The following TPP2 variants were observed in gnomAD, a reference collection of about 807,000 sequenced individuals.
TPP2 encodes the protein tripeptidyl peptidase 2, also known as tripeptidyl-peptidase 2.
TPP2 carries 34 observed loss-of-function variants against 155.9 expected under a neutral mutation model. That is an observed-to-expected ratio of 0.22 (90% CI 0.17 to 0.29). The LOEUF (loss-of-function observed/expected upper bound fraction) is 0.29. Among genes scored for constraint, TPP2 ranks in the 10% least tolerant of loss-of-function variants. TPP2 has a pLI of 1.00. For synonymous variants in TPP2, 510 were observed against 529.4 expected, an observed-to-expected ratio of 0.96 and a Z score of 0.50; for missense variants, 1,028 against 1,522.3, an observed-to-expected ratio of 0.68 and a Z score of 5.40.
At chr13:102,616,603 C>T in intron 4 of TPP2, 103 bp downstream of exon 4, 3 of 960,306 alleles carry the variant, frequency 3.1e-6, no homozygotes, top group Non-Finnish European at 4.3e-6. Context: ...TCTTTTTTCA[C>T]AAATTTTCTT....
intron 17 of TPP2, among the ~76,000 whole-genome samples, chr13:102,643,684 T>C (rs557290190): frequency 6.6e-6 from 1 of 152,352 alleles, no homozygotes; most frequent in African/African-American, 2.4e-5. Flanking sequence ...ATAGATTAAT[T>C]TCTTTAAGAC....
Position 102,664,030 on chromosome 13 carries a change from G to A in TPP2, c.3240+286G>A, listed in dbSNP as rs529914783. ...TAACCTAAAGGGCAAGGGGCAGAAC[G>A]TAGTAATCCTGGCCAGATGGAAATC... On this transcript the variant is annotated intron_variant, in intron 26 of 29. Coordinates refer to ENST00000376052, the MANE Select transcript of TPP2 (RefSeq NM_001330588.2). 1.3e-4 allele frequency among the ~76,000 whole-genome samples: 20 copies of A among 152,344 alleles called. No homozygotes were observed. In the South Asian group the frequency reaches 2.3e-3, roughly 17 times the overall value.
chr13:102,669,425 C>T (rs748037279), intron 27 of TPP2, among the ~76,000 whole-genome samples: 4 of 152,076 alleles, frequency 2.6e-5, no homozygotes, highest in South Asian at 4.2e-4. Flanking sequence ...TTTTGTGGGC[C>T]GCTCCATAAA....
chr13:102,616,469 A>C lies in TPP2; in HGVS notation c.464A>C (p.Glu155Ala). ...GCAGAAGCCTGTAGAAAACAGGAAGAATTTGATGTTGCCAACAACGGCTCT... is the reference window on the plus strand; with the variant it reads ...GCAGAAGCCTGTAGAAAACAGGAAGCATTTGATGTTGCCAACAACGGCTCT... ...ALAEACRKQE[E>A]FDVANNGSSQ... Residue 155 changes from glutamate to alanine, a missense_variant, in exon 4 of 30, where the codon GAA becomes GCA. Around this residue, in one of 7 missense-constraint regions of TPP2, gnomAD observed 300 missense variants for 398.3 expected, o/e 0.75. Transcript: ENST00000376052. The C allele has an allele frequency of 1.2e-6, 2 of 1,612,310 alleles. No homozygotes were observed. Among genetic ancestry groups the C allele is most frequent in the Non-Finnish European group, 1.7e-6 (2 of 1,179,152 alleles).
At chr13:102,617,856 A>G (rs148132143) in intron 4 of TPP2, among the ~76,000 whole-genome samples, 3,811 of 152,342 alleles carry the variant, frequency 0.025, 69 homozygotes, top group Non-Finnish European at 0.037. Context: ...TGAACCAGGA[A>G]GGCCATGTTC....
rs547928246 is a variant in TPP2, at chr13:102,634,782, G to C, written c.1393+684G>C. Among the ~76,000 whole-genome samples, 4 of 152,252 alleles carry C rather than the reference G, an allele frequency of 2.6e-5. No individual in the cohort carries two copies. In the East Asian group the frequency reaches 7.7e-4, roughly 29 times the overall value. On this transcript the variant is annotated intron_variant, in intron 11 of 29. Transcript: ENST00000376052. ...TCTCTAGGTTGAGCCCACACTCTTA[G>C]GATGGATCCTAACATGACCCTCTTT... is the stretch of plus-strand genomic sequence containing the variant.
intron 1 of TPP2, among the ~76,000 whole-genome samples, chr13:102,601,540 C>A (rs1352681187): frequency 1.3e-5 from 2 of 152,202 alleles, no homozygotes. Flanking sequence ...TTCATCCAGC[C>A]AACATAGCCC....
At chr13:102,633,902 T>C in intron 10 of TPP2, 48 bp from the exon 11 acceptor site, 1 of 1,610,332 alleles carries the variant, frequency 6.2e-7, no homozygotes, top group Non-Finnish European at 8.5e-7. Context: ...TGCCCATGTA[T>C]GTTTAGCTTT....
Position 102,643,297 on chromosome 13 carries a change from G to C in TPP2, c.2096G>C (p.Arg699Thr). ...CATGCAGTCCAGCTTGTGAAGCAAA[G>C]AGCATATCGAAGCCATGAATTCTAT... ...VLHAVQLVKQ[R>T]AYRSHEFYKF... is the part of the protein sequence containing the mutation. The change falls in exon 17 of 30, where the codon AGA becomes ACA. Residue 699 changes from arginine (R) to threonine (T), a missense_variant. Around this residue, in one of 7 missense-constraint regions of TPP2, gnomAD observed 325 missense variants for 463.7 expected, o/e 0.70. Transcript: ENST00000376052. The C allele has an allele frequency of 1.9e-6, 3 of 1,613,354 alleles. No individual in the cohort carries two copies. The highest frequency in any genetic ancestry group is 2.5e-6 in the Non-Finnish European group (3 of 1,179,704).
intron 2 of TPP2, among the ~76,000 whole-genome samples, chr13:102,611,289 T>C (rs560035147): frequency 6.6e-6 from 1 of 152,354 alleles, no homozygotes; most frequent in African/African-American, 2.4e-5. Flanking sequence ...CATGGAGATA[T>C]GTCACTAGGT....
intron 17 of TPP2, among the ~76,000 whole-genome samples, chr13:102,643,942 T>G (rs575542651): frequency 8.5e-4 from 130 of 152,358 alleles, no homozygotes; most frequent in Non-Finnish European, 1.6e-3. Flanking sequence ...CCAGTATCTC[T>G]TGGTTTCTGG....
intron 6 of TPP2, among the ~76,000 whole-genome samples, chr13:102,624,574 T>G (rs955313031): frequency 6.6e-6 from 1 of 152,178 alleles, no homozygotes; most frequent in Non-Finnish European, 1.5e-5. Flanking sequence ...TTTCACACTT[T>G]CCAGAATTTT....
intron 27 of TPP2, chr13:102,667,711 A>G (rs1566371947): frequency 1.8e-5 from 18 of 975,206 alleles, no homozygotes; most frequent in Non-Finnish European, 1.9e-5. Flanking sequence ...TCTTACAGCT[A>G]ATTTAACCCA....
intron 13 of TPP2, among the ~76,000 whole-genome samples, 199 bp from the exon 14 acceptor site, chr13:102,636,883 C>G (rs1882417054): frequency 6.6e-6 from 1 of 152,098 alleles, no homozygotes; most frequent in Non-Finnish European, 1.5e-5. Flanking sequence ...CATACCAGTG[C>G]TTGGTGAAAG....
chr13:102,613,107 G>A (rs1389316705), intron 2 of TPP2, among the ~76,000 whole-genome samples: 1 of 152,226 alleles, frequency 6.6e-6, no homozygotes, highest in Non-Finnish European at 1.5e-5. Context: ...GTGCTAGCTT[G>A]TATGCCAGCG....
chr13:102,653,855 C>A (rs569459753), intron 24 of TPP2, among the ~76,000 whole-genome samples: 1 of 152,100 alleles, frequency 6.6e-6, no homozygotes, highest in African/African-American at 2.4e-5. Flanking sequence ...ACTTATAGTG[C>A]GTTGTGTTGC....
At chr13:102,660,195 AT>A (rs1566365458) in intron 25 of TPP2, among the ~76,000 whole-genome samples, 1 of 151,444 alleles carries the variant, frequency 6.6e-6, no homozygotes, top group Non-Finnish European at 1.5e-5. Context: ...TAAAAAAAAA[AT>A]AAAAATGAAC....
intron 2 of TPP2, among the ~76,000 whole-genome samples, chr13:102,605,382 C>G (rs754294168): frequency 4.6e-5 from 7 of 152,202 alleles, no homozygotes; most frequent in African/African-American, 7.2e-5. Context: ...CCACCTATCA[C>G]TTGACTATAT....
At position 102,649,269 on chromosome 13, in the gene TPP2, G is replaced by A. The variant is rs572449511; in HGVS notation, c.2873+118G>A. 674 of 1,462,440 alleles carry A rather than the reference G, an allele frequency of 4.6e-4. 2 individuals carry two copies. Among genetic ancestry groups the A allele is most frequent in the African/African-American group, 1.5e-3 (107 of 70,278 alleles). 90.6% of individuals were successfully genotyped at this position (1,462,440 alleles called of 1,614,324 possible). On this transcript the variant is annotated intron_variant, in intron 22 of 29. Transcript: ENST00000376052. ...TGTAGTCATTTTTTTTTTGGCTGAA[G>A]TATTTCTTCCTTTGATTTTTGAAGT...
Sources: allele counts gnomAD v4.1 joint callset (sites outside exome capture counted in the v4.1 genomes callset), GRCh38; gene constraint gnomAD v4.1.1; regional missense constraint gnomAD v4.1.1; transcripts MANE v1.5; gene names NCBI Gene and HGNC (gene_info 2026-07-23, HGNC 2026-07-21).